AGBL1: variants seen among roughly 807,000 people sequenced by gnomAD.
AGBL1 encodes the protein cytosolic carboxypeptidase 4.
A neutral mutation model predicts 118.9 loss-of-function variants in AGBL1; 130 were observed. The ratio of observed to expected loss-of-function variants is 1.09; its 90% CI spans 0.95 to 1.26. The LOEUF is 1.26. AGBL1 is among the 50% of genes most tolerant of loss of function. AGBL1 has a pLI of 0.00. For missense variants in AGBL1, 1,584 were observed against 1,298.1 expected, an observed-to-expected ratio of 1.22 and a Z score of -3.38; for synonymous variants, 555 against 478.9, an observed-to-expected ratio of 1.16 and a Z score of -2.08.
At chr15:86,319,972 G>A (rs2080080101) in intron 17 of AGBL1, among the ~76,000 whole-genome samples, 1 of 151,834 alleles carries the variant, frequency 6.6e-6, no homozygotes. Context: ...GGTCAGGCTG[G>A]TCTCAAACTC....
At chr15:86,736,441 T>C (rs559581367) in intron 22 of AGBL1, among the ~76,000 whole-genome samples, 2 of 152,258 alleles carry the variant, frequency 1.3e-5, no homozygotes, top group African/African-American at 4.8e-5. Context: ...TGCACTTCTA[T>C]ATAGCATCTC....
chr15:86,448,497 C>A (rs116933071), intron 18 of AGBL1, among the ~76,000 whole-genome samples: 6,806 of 152,246 alleles, frequency 0.045, 207 homozygotes, highest in South Asian at 0.097. Flanking sequence ...TAAAGATCCA[C>A]CTCCCCACCC....
chr15:86,667,276 A>G (rs16977906), intron 21 of AGBL1, among the ~76,000 whole-genome samples: 41,075 of 151,510 alleles, frequency 0.27, 6,589 homozygotes, highest in East Asian at 0.62. Flanking sequence ...CTATCTGTCT[A>G]TCTTTGCTGT....
chr15:86,880,453 G>A (rs2079874713), intron 22 of AGBL1, among the ~76,000 whole-genome samples: 1 of 152,216 alleles, frequency 6.6e-6, no homozygotes, highest in South Asian at 2.1e-4. Flanking sequence ...GCTTATGTCA[G>A]GAGGGCCAAG....
rs1056616766 is a variant in AGBL1 at position 86,873,405 on chromosome 15, G to A, written c.3159-33682G>A. ...TTTTAAGAATCGACTTTTGTTCAGC[G>A]CTTTCAAAGATGTTTGAAAAATCTC... is the stretch of plus-strand genomic sequence containing the variant. On this transcript the variant is annotated intron_variant, in intron 22 of 22. Coordinates refer to ENST00000614907, the MANE Select transcript of AGBL1 (RefSeq NM_001386094.1). 5.3e-5 allele frequency among the ~76,000 whole-genome samples: 8 copies of A among 151,808 alleles called. 1 individual carries two copies. Among genetic ancestry groups the A allele is most frequent in the East Asian group, 3.9e-4 (2 of 5,184 alleles).
In AGBL1 at chr15:86,546,062, A is replaced by G; in HGVS notation, c.2746A>G (p.Ile916Val). Residue 916 changes from isoleucine (I) to valine (V), a missense_variant, in exon 20 of 23, where the codon ATC (isoleucine) becomes GTC (valine). Physicochemically the swap from Ile to Val is conservative, Grantham distance 29. Coordinates refer to ENST00000614907, the MANE Select transcript of AGBL1 (RefSeq NM_001386094.1). The part of the protein sequence containing the change: ...KKNVFLYGCS[I>V]KETLWQAACT... ...GAATGTGTTCCTTTATGGCTGTAGCATCAAGGAAACCTTGTGGCAAGCAGC... is the reference window on the plus strand; with the variant it reads ...GAATGTGTTCCTTTATGGCTGTAGCGTCAAGGAAACCTTGTGGCAAGCAGC... 6.2e-7 allele frequency: 1 copy of G among 1,613,444 alleles called. No homozygotes were observed. The highest frequency in any genetic ancestry group is 1.7e-5 in the Admixed American group (1 of 59,922).
chr15:86,253,506 C>A (rs1429424453), intron 7 of AGBL1, among the ~76,000 whole-genome samples: 5 of 152,082 alleles, frequency 3.3e-5, no homozygotes, highest in Non-Finnish European at 7.4e-5. Context: ...GCCTCGGCCT[C>A]CCAAAGTGCT....
At chr15:86,135,545 A>G (rs1280634665) in intron 1 of AGBL1, among the ~76,000 whole-genome samples, 2 of 152,208 alleles carry the variant, frequency 1.3e-5, no homozygotes, top group African/African-American at 2.4e-5. Context: ...ACATCCTGGC[A>G]TCGAGAACAG....
intron 22 of AGBL1, among the ~76,000 whole-genome samples, chr15:86,870,700 G>A (rs1417966755): frequency 6.6e-6 from 1 of 152,114 alleles, no homozygotes; most frequent in East Asian, 1.9e-4. Context: ...GAATAAATGA[G>A]TGGGAGAAAT....
chr15:86,815,392 C>T, intron 22 of AGBL1, among the ~76,000 whole-genome samples: 1 of 152,114 alleles, frequency 6.6e-6, no homozygotes, highest in Non-Finnish European at 1.5e-5. Context: ...GTGTTCTGCT[C>T]TGCAAAACAT....
chr15:87,017,842 A>T (rs1248454875), intron 24 of AGBL1, among the ~76,000 whole-genome samples: 1 of 152,158 alleles, frequency 6.6e-6, no homozygotes, highest in Non-Finnish European at 1.5e-5. Flanking sequence ...GGATAATAAT[A>T]AACTTTGCTG....
intron 23 of AGBL1, among the ~76,000 whole-genome samples, chr15:86,929,457 T>C (rs1381708141): frequency 6.6e-6 from 1 of 152,164 alleles, no homozygotes; most frequent in Non-Finnish European, 1.5e-5. Context: ...CCCTCCAATA[T>C]CAACTCAGAG....
intron 9 of AGBL1, among the ~76,000 whole-genome samples, chr15:86,259,680 G>A (rs927029357): frequency 7.9e-5 from 12 of 152,334 alleles, no homozygotes; most frequent in East Asian, 7.7e-4. Flanking sequence ...GAAGTCATCC[G>A]TAGCAAATTG....
chr15:86,374,757 A>G (rs2081015794), intron 17 of AGBL1, among the ~76,000 whole-genome samples: 1 of 152,232 alleles, frequency 6.6e-6, no homozygotes, highest in African/African-American at 2.4e-5. Flanking sequence ...AGCAGGGCTT[A>G]GTTAAGAATG....
At chr15:86,496,771 AAATG>A (rs1293482006) in intron 18 of AGBL1, among the ~76,000 whole-genome samples, 2 of 151,708 alleles carry the variant, frequency 1.3e-5, no homozygotes, top group Non-Finnish European at 2.9e-5. Context: ...TACATGACAG[AAATG>A]AATGATCACA....
At chr15:86,423,892 C>A (rs1441147558) in intron 18 of AGBL1, among the ~76,000 whole-genome samples, 1 of 152,078 alleles carries the variant, frequency 6.6e-6, no homozygotes, top group Non-Finnish European at 1.5e-5. Context: ...AGGATATAAA[C>A]AAATGGAAAA....
intron 5 of AGBL1, among the ~76,000 whole-genome samples, chr15:86,212,002 C>T (rs2078106987): frequency 6.6e-6 from 1 of 152,102 alleles, no homozygotes; most frequent in Admixed American, 6.5e-5. Context: ...TAAGAGTTGT[C>T]TCCTGGAATT....
At chr15:86,200,321 T>G (rs1028748420) in intron 5 of AGBL1, among the ~76,000 whole-genome samples, 2 of 152,210 alleles carry the variant, frequency 1.3e-5, no homozygotes, top group African/African-American at 4.8e-5. Flanking sequence ...TGAGCTTCCT[T>G]TCCTGATTTC....
intron 18 of AGBL1, among the ~76,000 whole-genome samples, chr15:86,417,730 G>A (rs1567246791): frequency 3.3e-5 from 5 of 152,258 alleles, no homozygotes; most frequent in South Asian, 4.1e-4. Flanking sequence ...AAGCAGGGAG[G>A]TGTCAGAGCA....
Sources: allele counts gnomAD v4.1 joint callset (sites outside exome capture counted in the v4.1 genomes callset), GRCh38; gene constraint gnomAD v4.1.1; transcripts MANE v1.5; gene names NCBI Gene and HGNC (gene_info 2026-07-23, HGNC 2026-07-21).